The following CTCF variants were observed in gnomAD, a reference collection of about 807,000 sequenced individuals.
CTCF encodes transcriptional repressor CTCF.
Under a neutral mutation model 72.3 loss-of-function variants are expected in CTCF, and 7 were observed. That is an observed-to-expected ratio of 0.10 (90% CI 0.06 to 0.18). The LOEUF is 0.18. Among genes scored for constraint, CTCF ranks in the 10% least tolerant of loss-of-function variants. CTCF has a pLI of 1.00. For missense variants in CTCF, 516 were observed against 949.1 expected (o/e 0.54, Z 6.00); for synonymous variants, 374 against 315.8 (o/e 1.18, Z -1.95).
intron 2 of CTCF, among the ~76,000 whole-genome samples, chr16:67,599,268 G>A (rs998384812): frequency 6.6e-5 from 10 of 152,180 alleles, no homozygotes; most frequent in Admixed American, 1.3e-4. Flanking sequence ...GGTGGCACGC[G>A]CTGGTAGTCC....
chr16:67,605,440 A>G (rs2051961227), intron 2 of CTCF, among the ~76,000 whole-genome samples: 1 of 152,150 alleles, frequency 6.6e-6, no homozygotes, highest in African/African-American at 2.4e-5. Flanking sequence ...TTTGCATTGG[A>G]TGTTGTTGTA....
intron 1 of CTCF, chr16:67,570,945 T>C (rs1300890459): frequency 6.6e-6 from 1 of 152,046 alleles, no homozygotes; most frequent in Non-Finnish European, 1.5e-5. Context: ...ATTTAGCAAA[T>C]GTGTGAAAAA....
At chr16:67,582,961 A>G (rs940624742) in intron 2 of CTCF, among the ~76,000 whole-genome samples, 1 of 149,142 alleles carries the variant, frequency 6.7e-6, no homozygotes, top group Non-Finnish European at 1.5e-5. Context: ...TAAATCTCCA[A>G]TTTCTTTTTT....
intron 4 of CTCF, among the ~76,000 whole-genome samples, chr16:67,613,409 T>C (rs112427080): frequency 3.7e-4 from 57 of 152,356 alleles, no homozygotes; most frequent in African/African-American, 1.2e-3. Flanking sequence ...CTAATGTGAC[T>C]TACTTTTAAA....
At chr16:67,628,279 GAAA>G in intron 8 of CTCF, 88 bp from the exon 9 acceptor site, 1 of 1,196,468 alleles carries the variant, frequency 8.4e-7, no homozygotes. Flanking sequence ...GCTTGGGTGA[GAAA>G]TACCTGTTGG....
At chr16:67,592,550 A>G (rs1345524097) in intron 2 of CTCF, among the ~76,000 whole-genome samples, 3 of 152,034 alleles carry the variant, frequency 2.0e-5, no homozygotes, top group Non-Finnish European at 4.4e-5. Flanking sequence ...TACTAAAAAT[A>G]TAAAAATTAG....
intron 2 of CTCF, among the ~76,000 whole-genome samples, chr16:67,603,826 A>G (rs2051932224): frequency 6.8e-6 from 1 of 146,090 alleles, no homozygotes; most frequent in African/African-American, 2.5e-5. Flanking sequence ...CTCTGTCTCA[A>G]AAAAAAAAAA....
In CTCF at chr16:67,611,052, A is replaced by C. The variant is rs2052055689; in HGVS notation, c.220A>C (p.Lys74Gln). Residue 74 changes from lysine to glutamine, a missense_variant, in exon 3 of 12, where the codon AAG (lysine) becomes CAG (glutamine). Coordinates refer to ENST00000264010, the MANE Select transcript of CTCF (RefSeq NM_006565.4). ...GCTGGACCCCACCCTTCTTCAGATG[A>C]AGACTGAAGTAATGGAGGGCACAGT... ...EQLDPTLLQM[K>Q]TEVMEGTVAP... 1 of 1,613,980 alleles carries C rather than the reference A, an allele frequency of 6.2e-7. No individual in the cohort carries two copies.
At chr16:67,625,389 A>G (rs2052269691) in intron 7 of CTCF, among the ~76,000 whole-genome samples, 1 of 151,708 alleles carries the variant, frequency 6.6e-6, no homozygotes. Context: ...TAGTAGAGAC[A>G]GAGTTTTGCC....
chr16:67,565,037 G>C (rs1477583326), intron 1 of CTCF, among the ~76,000 whole-genome samples: 1 of 150,210 alleles, frequency 6.7e-6, no homozygotes, highest in Non-Finnish European at 1.5e-5. Flanking sequence ...GTCTCGTTCT[G>C]TCCCCTAGGC....
chr16:67,567,042 A>G lies in CTCF; in HGVS notation c.-126-4106A>G, dbSNP rs1020274180. ...TTTTTTCTAGGTATGGGGTTTTGTCATGTTGCCTAGGCTGGTCTCAAACTC... is the reference window on the plus strand; with the variant it reads ...TTTTTTCTAGGTATGGGGTTTTGTCGTGTTGCCTAGGCTGGTCTCAAACTC... On this transcript the variant is annotated intron_variant, in intron 1 of 11. Transcript: ENST00000264010. 5.3e-5 allele frequency among the ~76,000 whole-genome samples: 8 copies of G among 151,442 alleles called. No homozygotes were observed. In the South Asian group the frequency reaches 6.3e-4, roughly 12 times the overall value.
At chr16:67,597,372 C>G (rs2051828973) in intron 2 of CTCF, among the ~76,000 whole-genome samples, 1 of 151,950 alleles carries the variant, frequency 6.6e-6, no homozygotes, top group African/African-American at 2.4e-5. Context: ...CAGAGTCTCG[C>G]TCTGTTGCCC....
In CTCF at chr16:67,633,199, G is replaced by A. The variant is rs1327871610; in HGVS notation, c.1838-3491G>A. 2.6e-5 allele frequency among the ~76,000 whole-genome samples: 4 copies of A among 152,204 alleles called. No homozygotes were observed. The East Asian group carries it at 7.7e-4, about 29-fold the overall frequency. On this transcript the variant is annotated intron_variant, in intron 10 of 11. Coordinates refer to ENST00000264010, the MANE Select transcript of CTCF (RefSeq NM_006565.4). ...TTTGCTATAAGTAAAAGCTGTGTTT[G>A]TGGTAGACTATAGGTTACGGAGCAG...
chr16:67,589,632 AGAACT>A (rs2051712047), intron 2 of CTCF, among the ~76,000 whole-genome samples: 1 of 152,150 alleles, frequency 6.6e-6, no homozygotes, highest in South Asian at 2.1e-4. Context: ...GAGCTCCCTA[AGAACT>A]GAACCTCGTG....
At chr16:67,631,154 G>GTTTTTTTTTTGTTTTTTGTTT (rs2052357693) in intron 10 of CTCF, among the ~76,000 whole-genome samples, 1 of 125,020 alleles carries the variant, frequency 8.0e-6, no homozygotes, top group Non-Finnish European at 1.7e-5. Flanking sequence ...TTCTTTGTTT[G>GTTTTTTTTTTGTTTTTTGTTT]TTTTTTTTTT....
chr16:67,604,759 T>A lies in CTCF; in HGVS notation c.-9-6065T>A, dbSNP rs9931985. 4.0e-5 allele frequency among the ~76,000 whole-genome samples: 6 copies of A among 149,972 alleles called. 1 individual carries two copies. In the East Asian group the frequency reaches 1.2e-3, roughly 29 times the overall value. On this transcript the variant is annotated intron_variant, in intron 2 of 11. Transcript: ENST00000264010. Reference sequence around the variant, plus strand: ...TTTTTTTTTTTGTTTTTTGTTTTTTTTTTTTACTTTTTAATATGAATTTTT... The same window carrying A: ...TTTTTTTTTTTGTTTTTTGTTTTTTATTTTTACTTTTTAATATGAATTTTT...
At chr16:67,575,356 A>T (rs59519923) in intron 2 of CTCF, among the ~76,000 whole-genome samples, 2 of 152,184 alleles carry the variant, frequency 1.3e-5, no homozygotes, top group East Asian at 3.8e-4. Context: ...TTTTAATCCC[A>T]TTAGGACTCC....
At chr16:67,608,492 G>C (rs1321490576) in intron 2 of CTCF, among the ~76,000 whole-genome samples, 1 of 152,124 alleles carries the variant, frequency 6.6e-6, no homozygotes, top group Non-Finnish European at 1.5e-5. Flanking sequence ...TCTAAGTTCT[G>C]AGTTTGGCTT....
chr16:67,617,899 T>TA (rs768217990), intron 5 of CTCF, among the ~76,000 whole-genome samples: 6 of 152,322 alleles, frequency 3.9e-5, no homozygotes, highest in Non-Finnish European at 7.3e-5. Context: ...TGAGCCAACC[T>TA]AATTTAGTAA....
Sources: allele counts gnomAD v4.1 joint callset (sites outside exome capture counted in the v4.1 genomes callset), GRCh38; gene constraint gnomAD v4.1.1; transcripts MANE v1.5; gene names NCBI Gene and HGNC (gene_info 2026-07-23, HGNC 2026-07-21).